Variants in LRRFIP2 observed in about 807,000 individuals in gnomAD.
LRRFIP2 encodes the protein leucine-rich repeat flightless-interacting protein 2.
LRRFIP2 carries 109 observed loss-of-function variants against 125.9 expected under a neutral mutation model. That is an observed-to-expected ratio of 0.87 (90% CI 0.74 to 1.01). The LOEUF is 1.01. LRRFIP2 is among the 50% of genes least tolerant of loss of function. The probability of loss-of-function intolerance (pLI) is 0.00; values close to 1 mark genes in which losing one functional copy is unlikely to be tolerated. For synonymous variants in LRRFIP2, 291 were observed against 293.1 expected (o/e 0.99, Z 0.07); for missense variants, 850 against 862.3 (o/e 0.99, Z 0.18).
intron 2 of LRRFIP2, among the ~76,000 whole-genome samples, chr3:37,131,300 C>T (rs147000309): frequency 6.6e-6 from 1 of 152,278 alleles, no homozygotes; most frequent in African/African-American, 2.4e-5. Context: ...TAAAATATTA[C>T]CTTCTATGAA....
chr3:37,065,105 ATTGT>A (rs1334217143), intron 23 of LRRFIP2: 1 of 149,678 alleles, frequency 6.7e-6, no homozygotes, highest in Admixed American at 6.8e-5. Flanking sequence ...AAACAAAAAA[ATTGT>A]TTTTTTTTAA....
intron 18 of LRRFIP2, among the ~76,000 whole-genome samples, chr3:37,085,539 A>G (rs1204525213): frequency 2.0e-5 from 3 of 151,718 alleles, no homozygotes; most frequent in Non-Finnish European, 2.9e-5. Flanking sequence ...ACAAACAAAC[A>G]AAAAGCATTA....
intron 1 of LRRFIP2, among the ~76,000 whole-genome samples, chr3:37,164,720 CA>C (rs148231991): frequency 0.037 from 3,999 of 106,770 alleles, 119 homozygotes; most frequent in African/African-American, 0.1. Flanking sequence ...GACTCCGTCT[CA>C]AAAAAAAAAA....
intron 1 of LRRFIP2, among the ~76,000 whole-genome samples, chr3:37,159,194 T>G (rs1192403523): frequency 3.3e-5 from 5 of 152,190 alleles, no homozygotes; most frequent in Non-Finnish European, 7.4e-5. Context: ...ACTTCACACT[T>G]TTGCACATGG....
chr3:37,129,217 A>C (rs2095362721), intron 2 of LRRFIP2, 68 bp from the exon 3 acceptor site: 2 of 1,403,866 alleles, frequency 1.4e-6, no homozygotes, highest in East Asian at 2.3e-5. Flanking sequence ...CAGATTTGAA[A>C]ATAAAGAATG....
At chr3:37,159,569 C>A (rs1389440921) in intron 1 of LRRFIP2, among the ~76,000 whole-genome samples, 1 of 151,916 alleles carries the variant, frequency 6.6e-6, no homozygotes, top group African/African-American at 2.4e-5. Flanking sequence ...TGCAGTGGTG[C>A]GATCTCAGCT....
chr3:37,109,592 T>C (rs760481018), intron 10 of LRRFIP2, 21 bp from the exon 11 acceptor site: 12 of 1,613,856 alleles, frequency 7.4e-6, no homozygotes, highest in Non-Finnish European at 1.0e-5. Flanking sequence ...AGTGTATTAT[T>C]AAACCCCAAA....
Position 37,111,045 on chromosome 3 carries a change from C to T in LRRFIP2, c.459G>A (p.Gln153=), listed in dbSNP as rs201077507. 40 of 1,613,646 alleles carry T rather than the reference C, an allele frequency of 2.5e-5. No individual in the cohort carries two copies. The East Asian group carries it at 8.9e-4, about 36-fold the overall frequency. ...KDLLSGLYFD[Q]RNYSSLRHSK... ...TATGTCTAAGACTGCTATAGTTTCT[C>T]TGGTCAAAGTAGAGGCCACTCTGCA... The change falls in exon 9 of 28, where the codon CAG becomes CAA. Residue 153 remains glutamine (Q), a synonymous_variant. Transcript: ENST00000336686.
chr3:37,053,727 C>A lies in LRRFIP2; in HGVS notation c.*124G>T. 1.6e-6 allele frequency: 1 copy of A among 639,842 alleles called. No homozygotes were observed. The highest frequency in any genetic ancestry group is 2.9e-6 in the Non-Finnish European group (1 of 350,230). 39.6% of individuals were successfully genotyped at this position (639,842 alleles called of 1,614,324 possible). A position where few individuals can be genotyped will look rare whatever the true frequency, so the allele number is the denominator to read the frequency against. ...TCATTCTGTCATAAATTATAAAATA[C>A]AAAGGTGGCTGTTTTAATGACAAAA... On this transcript the variant is annotated 3_prime_UTR_variant, in exon 28 of 28. Transcript: ENST00000336686.
At chr3:37,086,188 G>A (rs920851383) in intron 18 of LRRFIP2, among the ~76,000 whole-genome samples, 3 of 152,238 alleles carry the variant, frequency 2.0e-5, no homozygotes, top group Middle Eastern at 3.4e-3. Flanking sequence ...CACTCACTAG[G>A]ATGGCTATAA....
At position 37,142,886 on chromosome 3, in the gene LRRFIP2, T is replaced by C. The variant is rs535396299; in HGVS notation, c.90+6008A>G. Among the ~76,000 whole-genome samples, 81 of 152,362 alleles carry C rather than the reference T, an allele frequency of 5.3e-4. 1 individual carries two copies. In the South Asian group the frequency reaches 0.017, roughly 31 times the overall value. Reference sequence around the variant, plus strand: ...ACATGTTAAGGTGATATAGTTTAGATGTCTCTTCCAAATATCATGTTGAGA... The same window carrying C: ...ACATGTTAAGGTGATATAGTTTAGACGTCTCTTCCAAATATCATGTTGAGA... On this transcript the variant is annotated intron_variant, in intron 2 of 27. Coordinates refer to ENST00000336686, the MANE Select transcript of LRRFIP2 (RefSeq NM_006309.4).
Position 37,066,246 on chromosome 3 carries a change from T to C in LRRFIP2, c.1544A>G (p.Gln515Arg), listed in dbSNP as rs1163968702. The C allele has an allele frequency of 6.8e-6, 11 of 1,614,022 alleles. No individual in the cohort carries two copies. Among genetic ancestry groups the C allele is most frequent in the Non-Finnish European group, 9.3e-6 (11 of 1,179,964 alleles). ...TACCTCTCCCGTCTTCACTGTCTCC[T>C]GCAGGTCAGCCAGCTCCTCTCTGAG... is the stretch of plus-strand genomic sequence containing the variant. ...DMLREELADL[Q>R]ETVKTGEKHG... Residue 515 changes from glutamine to arginine, a missense_variant, in exon 22 of 28, where the codon CAG (glutamine) becomes CGG (arginine). Gln to Arg is a conservative substitution (Grantham distance 43). Transcript: ENST00000336686.
intron 2 of LRRFIP2, among the ~76,000 whole-genome samples, chr3:37,133,628 C>T (rs1245369024): frequency 2.0e-5 from 3 of 152,008 alleles, no homozygotes; most frequent in Admixed American, 6.6e-5. Context: ...ATAGTGGTTG[C>T]CAGGGACTGA....
At chr3:37,169,239 T>G (rs1391036277) in intron 1 of LRRFIP2, among the ~76,000 whole-genome samples, 1 of 152,196 alleles carries the variant, frequency 6.6e-6, no homozygotes, top group East Asian at 1.9e-4. Context: ...TTTACCATAA[T>G]AAAAATATTT....
chr3:37,118,519 CCTAA>C (rs2094891397), intron 6 of LRRFIP2, among the ~76,000 whole-genome samples: 1 of 152,144 alleles, frequency 6.6e-6, no homozygotes, highest in South Asian at 2.1e-4. Flanking sequence ...ATTCTAAATT[CCTAA>C]CTTTGATTTA....
intron 15 of LRRFIP2, among the ~76,000 whole-genome samples, chr3:37,097,969 A>C (rs1451398687): frequency 6.6e-6 from 1 of 152,218 alleles, no homozygotes; most frequent in African/African-American, 2.4e-5. Flanking sequence ...TCTAGAGAAG[A>C]GATCTGAAAA....
intron 4 of LRRFIP2, among the ~76,000 whole-genome samples, chr3:37,124,477 G>A (rs951142643): frequency 1.3e-5 from 2 of 152,112 alleles, no homozygotes; most frequent in Admixed American, 6.5e-5. Flanking sequence ...TTTGCACAGT[G>A]GCAAACATGA....
At chr3:37,114,292 T>A (rs1174148757) in intron 7 of LRRFIP2, among the ~76,000 whole-genome samples, 1 of 152,180 alleles carries the variant, frequency 6.6e-6, no homozygotes, top group East Asian at 1.9e-4. Context: ...ACCAAAATGT[T>A]TGGACATAAC....
chr3:37,083,676 T>A lies in LRRFIP2; in HGVS notation c.1238A>T (p.Gln413Leu). 1 of 1,576,054 alleles carries A rather than the reference T, an allele frequency of 6.3e-7. No homozygotes were observed. The highest frequency in any genetic ancestry group is 8.6e-7 in the Non-Finnish European group (1 of 1,167,604). The stretch of plus-strand genomic sequence containing the variant: ...ATTTTCTCTATAAAATTCTGCCATC[T>A]GTTCCTCCTGCTCTTCAATAACATC... ...LKDVIEEQEE[Q>L]MAEFYRENEE... The change falls in exon 19 of 28, where the codon CAG becomes CTG. Residue 413 changes from glutamine (Q) to leucine (L), a missense_variant. Physicochemically the swap from Gln to Leu is moderately radical, Grantham distance 113. Coordinates refer to ENST00000336686, the MANE Select transcript of LRRFIP2 (RefSeq NM_006309.4).
Sources: allele counts gnomAD v4.1 joint callset (sites outside exome capture counted in the v4.1 genomes callset), GRCh38; gene constraint gnomAD v4.1.1; transcripts MANE v1.5; gene names NCBI Gene and HGNC (gene_info 2026-07-23, HGNC 2026-07-21).